Variants in SHOC1 observed in about 807,000 individuals in gnomAD.
SHOC1 encodes the protein shortage in chiasmata 1.
A neutral mutation model predicts 179.2 loss-of-function variants in SHOC1; 136 were observed. That is an observed-to-expected ratio of 0.76 (90% CI 0.66 to 0.87). SHOC1 has a LOEUF of 0.87. SHOC1 is among the 40% of genes least tolerant of loss of function. The pLI is 0.00. For synonymous variants in SHOC1, 489 were observed against 586.6 expected, an observed-to-expected ratio of 0.83 and a Z score of 2.41; for missense variants, 1,538 against 1,700.8, an observed-to-expected ratio of 0.90 and a Z score of 1.68.
chr9:111,748,293 A>G lies in SHOC1; in HGVS notation c.863-94T>C, dbSNP rs1051705877. On this transcript the variant is annotated intron_variant, in intron 8 of 27. Transcript: ENST00000682961. ...GGCATTTTCCTTTTAAAGTATCTTT[A>G]TTGTTTTATTGCATGTCAATTTTTC... 8.8e-6 allele frequency: 7 copies of G among 797,950 alleles called. No individual in the cohort carries two copies. The African/African-American group carries it at 1.2e-4, about 14-fold the overall frequency. The allele number at this position is 797,950 out of a possible 1,614,324, so 49.4% of individuals were successfully genotyped here.
At chr9:111,688,012 T>G (rs972014937) in intron 27 of SHOC1, among the ~76,000 whole-genome samples, 2 of 152,148 alleles carry the variant, frequency 1.3e-5, no homozygotes, top group Non-Finnish European at 2.9e-5. Context: ...AACAATTAGA[T>G]GAAATACAGG....
Position 111,723,785 on chromosome 9 carries a change from A to T in SHOC1, c.1954+7T>A. On this transcript the variant is annotated splice_region_variant and intron_variant, in intron 14 of 27. Transcript: ENST00000682961. ...TCTGAAATGCATTTTAAAAGCATAT[A>T]ACATACCTGACGCTTGAATTTCAAT... The T allele has an allele frequency of 3.1e-6, 5 of 1,610,480 alleles. No individual in the cohort carries two copies. The highest frequency in any genetic ancestry group is 4.2e-6 in the Non-Finnish European group (5 of 1,179,364).
chr9:111,727,578 G>A, intron 13 of SHOC1, 55 bp downstream of exon 13: 1 of 1,395,448 alleles, frequency 7.2e-7, no homozygotes, highest in Non-Finnish European at 9.6e-7. Flanking sequence ...AATAAATTAT[G>A]TACTTAGTCC....
At position 111,780,937 on chromosome 9, in the gene SHOC1, G is replaced by A; in HGVS notation, c.250C>T (p.Leu84Phe). ...GAGATTAAGGATACATACTTCTCAA[G>A]GAAATCCTCCACAAAGAAACTTGCT... ...WKASFFVEDF[L>F]EKKTITRMVT... Residue 84 changes from leucine (L) to phenylalanine (F), a missense_variant, in exon 4 of 28, where the codon CTT (leucine) becomes TTT (phenylalanine). Leu to Phe is a conservative substitution (Grantham distance 22). Coordinates refer to ENST00000682961, the MANE Select transcript of SHOC1 (RefSeq NM_001378211.1). 6.2e-7 allele frequency: 1 copy of A among 1,611,614 alleles called. No individual in the cohort carries two copies. The highest frequency in any genetic ancestry group is 8.5e-7 in the Non-Finnish European group (1 of 1,178,258).
Position 111,702,219 on chromosome 9 carries a change from T to C in SHOC1, c.2975A>G (p.Glu992Gly). 7.0e-7 allele frequency: 1 copy of C among 1,428,038 alleles called. No homozygotes were observed. Among genetic ancestry groups the C allele is most frequent in the Non-Finnish European group, 9.8e-7 (1 of 1,021,976 alleles). 88.5% of individuals were successfully genotyped at this position (1,428,038 alleles called of 1,614,324 possible). Reference protein sequence around the residue: ...EHTAIILQDLEELNYEKASDN... With the variant: ...EHTAIILQDLGELNYEKASDN... ...TGATGCCTTCTCATAATTCAATTCTTCTAGATCCTATCAGAAAATAAAGAA... is the reference window on the plus strand; with the variant it reads ...TGATGCCTTCTCATAATTCAATTCTCCTAGATCCTATCAGAAAATAAAGAA... Residue 992 changes from glutamate to glycine, a missense_variant, in exon 23 of 28, where the codon GAA becomes GGA. By Grantham distance (98) the Glu-to-Gly change is moderately conservative. Transcript: ENST00000682961.
At position 111,692,606 on chromosome 9, in the gene SHOC1, G is replaced by A. The variant is rs7029713; in HGVS notation, c.3466-95C>T. On this transcript the variant is annotated intron_variant, in intron 26 of 27. Coordinates refer to ENST00000682961, the MANE Select transcript of SHOC1 (RefSeq NM_001378211.1). ...AAAGAAGGCAAAATATAAATAGGTA[G>A]TCTATTCATAGATATTACATTGATC... 2,671 of 827,506 alleles carry A rather than the reference G, an allele frequency of 3.2e-3. 49 individuals are homozygous for A. In the African/African-American group the frequency reaches 0.039, roughly 12 times the overall value. 51.3% of individuals were successfully genotyped at this position (827,506 alleles called of 1,614,324 possible). A position where few individuals can be genotyped will look rare whatever the true frequency, so the allele number is the denominator to read the frequency against.
At chr9:111,764,146 C>T (rs1352824121) in intron 5 of SHOC1, among the ~76,000 whole-genome samples, 1 of 152,118 alleles carries the variant, frequency 6.6e-6, no homozygotes, top group African/African-American at 2.4e-5. Flanking sequence ...TCCTTTTGTC[C>T]ACTGTTTCCA....
chr9:111,787,932 C>T (rs1355275143), intron 2 of SHOC1, among the ~76,000 whole-genome samples: 2 of 152,150 alleles, frequency 1.3e-5, no homozygotes, highest in Non-Finnish European at 2.9e-5. Context: ...AAGATTATGA[C>T]TCACTAAAGA....
chr9:111,738,205 A>T (rs766786681), intron 12 of SHOC1, 75 bp downstream of exon 12: 1 of 1,345,632 alleles, frequency 7.4e-7, no homozygotes, highest in Non-Finnish European at 1.0e-6. Context: ...CCAATTACCT[A>T]GAGGAAATCC....
intron 12 of SHOC1, among the ~76,000 whole-genome samples, chr9:111,728,450 T>A (rs1429833533): frequency 6.6e-6 from 1 of 152,160 alleles, no homozygotes; most frequent in Non-Finnish European, 1.5e-5. Flanking sequence ...AAAGAACTCC[T>A]TATAACTCTA....
chr9:111,696,517 G>GA (rs1050232194), intron 24 of SHOC1, among the ~76,000 whole-genome samples: 1 of 152,090 alleles, frequency 6.6e-6, no homozygotes, highest in African/African-American at 2.4e-5. Context: ...AATGTCCATT[G>GA]AAAAAATGAC....
At chr9:111,753,934 C>G (rs1834729858) in intron 8 of SHOC1, among the ~76,000 whole-genome samples, 1 of 152,070 alleles carries the variant, frequency 6.6e-6, no homozygotes, top group Non-Finnish European at 1.5e-5. Context: ...TATACACTTT[C>G]TATTATAAGA....
chr9:111,741,597 C>G lies in SHOC1; in HGVS notation c.1080-27G>C, dbSNP rs201722200. 1.2e-5 allele frequency: 14 copies of G among 1,197,834 alleles called. No individual in the cohort carries two copies. In the African/African-American group the frequency reaches 2.0e-4, roughly 17 times the overall value. 74.2% of individuals were successfully genotyped at this position (1,197,834 alleles called of 1,614,324 possible). A position where few individuals can be genotyped will look rare whatever the true frequency, so the allele number is the denominator to read the frequency against. On this transcript the variant is annotated intron_variant, in intron 10 of 27. Transcript: ENST00000682961. ...TGAAAAAAAGAGTTAAAGTTTAATA[C>G]ATTAATAATATTGAGTCTTTTGTAT...
At chr9:111,706,530 TA>T in intron 20 of SHOC1, 37 bp downstream of exon 20, 1 of 1,421,454 alleles carries the variant, frequency 7.0e-7, no homozygotes, top group Non-Finnish European at 9.3e-7. Flanking sequence ...ATTTTCATTC[TA>T]ATAAAGCAAA....
chr9:111,775,644 T>C (rs1213729971), intron 5 of SHOC1, 147 bp downstream of exon 5: 1 of 571,112 alleles, frequency 1.8e-6, no homozygotes, highest in Non-Finnish European at 2.9e-6. Flanking sequence ...AATGAGGAAA[T>C]ACTGCCCTAA....
intron 18 of SHOC1, among the ~76,000 whole-genome samples, chr9:111,708,644 A>G (rs961404631): frequency 9.2e-5 from 14 of 152,340 alleles, no homozygotes; most frequent in Non-Finnish European, 1.5e-4. Flanking sequence ...CTGTATTTCA[A>G]TGTAATAGGA....
At chr9:111,716,792 A>G (rs1832812381) in intron 16 of SHOC1, among the ~76,000 whole-genome samples, 1 of 152,182 alleles carries the variant, frequency 6.6e-6, no homozygotes, top group African/African-American at 2.4e-5. Context: ...AACTACAGCT[A>G]TCTTTAGAAA....
chr9:111,727,655 G>A lies in SHOC1; in HGVS notation c.1812C>T (p.Val604=), dbSNP rs775571571. 2.6e-5 allele frequency: 41 copies of A among 1,584,312 alleles called. No individual in the cohort carries two copies. Among genetic ancestry groups the A allele is most frequent in the East Asian group, 1.4e-4 (6 of 44,374 alleles). The change falls in exon 13 of 28, where the codon GTC becomes GTT. Residue 604 remains valine (V), a synonymous_variant. Coordinates refer to ENST00000682961, the MANE Select transcript of SHOC1 (RefSeq NM_001378211.1). ...TACCATGTTTTTCATCACTGTTTGTGACTTCAGTCTTTGAGGTGCAAGTCT... is the reference window on the plus strand; with the variant it reads ...TACCATGTTTTTCATCACTGTTTGTAACTTCAGTCTTTGAGGTGCAAGTCT... ...KYKTCTSKTE[V]TNSDEKHDKE...
At chr9:111,753,247 C>T (rs35496354) in intron 8 of SHOC1, among the ~76,000 whole-genome samples, 27,107 of 152,064 alleles carry the variant, frequency 0.18, 2,633 homozygotes, top group Non-Finnish European at 0.22. Context: ...TTAAAAAAAT[C>T]AACATCAATT....
Sources: allele counts gnomAD v4.1 joint callset (sites outside exome capture counted in the v4.1 genomes callset), GRCh38; gene constraint gnomAD v4.1.1; transcripts MANE v1.5; gene names NCBI Gene and HGNC (gene_info 2026-07-23, HGNC 2026-07-21).